Variants in LARP1B observed in about 807,000 individuals in gnomAD.
LARP1B encodes la-related protein 1B.
LARP1B carries 76 observed loss-of-function variants against 114.2 expected under a neutral mutation model. That is an observed-to-expected ratio of 0.67 (90% CI 0.55 to 0.81). LARP1B has a LOEUF of 0.81. Among genes scored for constraint, LARP1B ranks in the 30% least tolerant of loss-of-function variants. The pLI is 0.00. For synonymous variants in LARP1B, 345 were observed against 348.0 expected (o/e 0.99, Z 0.10); for missense variants, 1,014 against 1,075.8 (o/e 0.94, Z 0.80).
chr4:128,188,202 G>C (rs930164336), intron 15 of LARP1B, among the ~76,000 whole-genome samples: 3 of 151,924 alleles, frequency 2.0e-5, no homozygotes, highest in African/African-American at 7.3e-5. Flanking sequence ...AGCCTCCTGA[G>C]TAGCTGGGAT....
At chr4:128,141,981 G>T (rs1450834760) in intron 11 of LARP1B, among the ~76,000 whole-genome samples, 2 of 152,160 alleles carry the variant, frequency 1.3e-5, no homozygotes, top group Non-Finnish European at 2.9e-5. Flanking sequence ...AGAGTATTTG[G>T]TATAAAGGTG....
In LARP1B at chr4:128,073,590, T is replaced by TTTG. The variant is rs1561057101; in HGVS notation, c.-77-868_-77-867insGTT. Among the ~76,000 whole-genome samples the TTTG allele has an allele frequency of 6.1e-3, 284 of 46,488 alleles. 30 individuals are homozygous for TTTG. The highest frequency in any genetic ancestry group is 0.011 in the Middle Eastern group (1 of 90). 30.5% of individuals were successfully genotyped at this position (46,488 alleles called of 152,430 possible). On this transcript the variant is annotated intron_variant, in intron 1 of 19. Transcript: ENST00000326639. ...TGTTGTCGTTTTTTTTTTTTTTTTT[T>TTTG]TTTTTTTTTTTTTTTTTTTGGACAG...
chr4:128,151,311 G>A (rs932393019), intron 11 of LARP1B, among the ~76,000 whole-genome samples: 1 of 152,050 alleles, frequency 6.6e-6, no homozygotes, highest in African/African-American at 2.4e-5. Flanking sequence ...AACACAAGAA[G>A]TTTAACATTG....
At chr4:128,106,698 T>C (rs1426166549) in intron 8 of LARP1B, among the ~76,000 whole-genome samples, 1 of 151,916 alleles carries the variant, frequency 6.6e-6, no homozygotes, top group African/African-American at 2.4e-5. Flanking sequence ...TATGTAGGGG[T>C]GATACCTTCT....
intron 7 of LARP1B, among the ~76,000 whole-genome samples, chr4:128,097,161 G>A (rs112023306): frequency 3.9e-5 from 6 of 152,224 alleles, no homozygotes; most frequent in African/African-American, 1.2e-4. Flanking sequence ...GCCTCCGAAG[G>A]TGCTGGGGTT....
rs757375861 is a variant in LARP1B at position 128,179,503 on chromosome 4, C to T, written c.1994C>T (p.Ser665Phe). 1.9e-6 allele frequency: 3 copies of T among 1,588,074 alleles called. No homozygotes were observed. The highest frequency in any genetic ancestry group is 2.6e-6 in the Non-Finnish European group (3 of 1,163,658). The change falls in exon 15 of 20, where the codon TCC becomes TTC. Residue 665 changes from serine (S) to phenylalanine (F), a missense_variant. Transcript: ENST00000326639. Reference sequence around the variant, plus strand: ...TCCAGAGACCGTGGGCCAGGAACATCCTCTGTCAGGTACTATATTTCTCAA... The same window carrying T: ...TCCAGAGACCGTGGGCCAGGAACATTCTCTGTCAGGTACTATATTTCTCAA... ...MDSRDRGPGTSSVSTSNASPS... is the reference protein window; with the variant it reads ...MDSRDRGPGTFSVSTSNASPS...
intron 10 of LARP1B, among the ~76,000 whole-genome samples, chr4:128,120,589 C>T (rs1308463666): frequency 6.6e-6 from 1 of 151,684 alleles, no homozygotes; most frequent in Non-Finnish European, 1.5e-5. Flanking sequence ...CCTGTCTCAG[C>T]CTCCCGAGTA....
At position 128,210,026 on chromosome 4, in the gene LARP1B, A is replaced by G. The variant is rs1197983958; in HGVS notation, c.2718A>G (p.Ser906=). The change falls in exon 20 of 20, where the codon TCA becomes TCG. Residue 906 remains serine (S), a synonymous_variant. Transcript: ENST00000326639. ...TAAACTCTCCCAGAAGGAATATTTCACCGGAGTCCAGTGACAATTCACATT... is the reference window on the plus strand; with the variant it reads ...TAAACTCTCCCAGAAGGAATATTTCGCCGGAGTCCAGTGACAATTCACATT... The part of the protein sequence containing the change: ...VPINSPRRNI[S]PESSDNSH 2 of 1,613,956 alleles carry G rather than the reference A, an allele frequency of 1.2e-6. No homozygotes were observed. Among genetic ancestry groups the G allele is most frequent in the African/African-American group, 2.7e-5 (2 of 74,910 alleles).
intron 8 of LARP1B, among the ~76,000 whole-genome samples, chr4:128,103,380 A>G: frequency 6.6e-6 from 1 of 151,748 alleles, no homozygotes; most frequent in Non-Finnish European, 1.5e-5. Flanking sequence ...TTGTCCAAGG[A>G]AAAAAAAGGT....
chr4:128,101,619 A>G (rs1389627370), intron 8 of LARP1B, among the ~76,000 whole-genome samples: 1 of 151,442 alleles, frequency 6.6e-6, no homozygotes, highest in Non-Finnish European at 1.5e-5. Context: ...TCATAGTAGA[A>G]TGAGTTTATT....
intron 11 of LARP1B, among the ~76,000 whole-genome samples, chr4:128,143,796 G>GGTGTGTGTGTGTGTGT (rs72408437): frequency 0.056 from 8,289 of 147,848 alleles, 319 homozygotes; most frequent in Middle Eastern, 0.13. Flanking sequence ...TAAGGCACAG[G>GGTGTGTGTGTGTGTGT]GTGTGTGTGT....
intron 1 of LARP1B, among the ~76,000 whole-genome samples, chr4:128,066,165 C>T (rs899774668): frequency 4.0e-5 from 4 of 99,174 alleles, no homozygotes; most frequent in South Asian, 8.8e-4. Flanking sequence ...TTTCTTTCTT[C>T]TTTTTTTTTT....
At chr4:128,175,610 T>C (rs745644531) in intron 12 of LARP1B, among the ~76,000 whole-genome samples, 14 of 152,158 alleles carry the variant, frequency 9.2e-5, no homozygotes, top group South Asian at 4.1e-4. Context: ...TTCTTTCTTT[T>C]TATTCAGTTT....
At chr4:128,119,348 C>A (rs997650402) in intron 10 of LARP1B, among the ~76,000 whole-genome samples, 2 of 152,094 alleles carry the variant, frequency 1.3e-5, no homozygotes, top group Admixed American at 6.6e-5. Flanking sequence ...GTGAAATTAC[C>A]TTTTCTTTTC....
At chr4:128,074,825 T>C in intron 2 of LARP1B, 109 bp from the exon 3 acceptor site, 1 of 708,376 alleles carries the variant, frequency 1.4e-6, no homozygotes, top group South Asian at 2.0e-5. Flanking sequence ...TGCATATAAC[T>C]GAATATAAAT....
chr4:128,123,625 A>T, intron 11 of LARP1B: 1 of 483,762 alleles, frequency 2.1e-6, no homozygotes. Flanking sequence ...TTGTATTTCT[A>T]GTGTTAGAAT....
At chr4:128,064,070 G>A (rs1301774047) in intron 1 of LARP1B, among the ~76,000 whole-genome samples, 2 of 151,914 alleles carry the variant, frequency 1.3e-5, no homozygotes, top group Non-Finnish European at 2.9e-5. Flanking sequence ...TCAGGAGTTC[G>A]AGATCAGCCT....
At chr4:128,179,579 T>C in intron 15 of LARP1B, 67 bp downstream of exon 15, 2 of 958,270 alleles carry the variant, frequency 2.1e-6, no homozygotes, top group East Asian at 2.6e-5. Flanking sequence ...AGTTACTAAT[T>C]GGATATTTCA....
In LARP1B at chr4:128,155,078, A is replaced by G. The variant is rs184767863; in HGVS notation, c.1525-7116A>G. On this transcript the variant is annotated intron_variant, in intron 11 of 19. Coordinates refer to ENST00000326639, the MANE Select transcript of LARP1B (RefSeq NM_018078.4). ...TGTGAGCCACTGTGCCCAGGCTACAAATTTTTTTATATCCATTAGATCATT... is the reference window on the plus strand; with the variant it reads ...TGTGAGCCACTGTGCCCAGGCTACAGATTTTTTTATATCCATTAGATCATT... 7.1e-4 allele frequency among the ~76,000 whole-genome samples: 108 copies of G among 152,264 alleles called. 1 individual carries two copies. The highest frequency in any genetic ancestry group is 1.2e-3 in the South Asian group (6 of 4,830).
Sources: gnomAD v4.1 joint callset for allele counts (sites outside exome capture counted in the v4.1 genomes callset) on GRCh38, gnomAD v4.1.1 for gene constraint, MANE v1.5 for transcripts, NCBI Gene and HGNC (gene_info 2026-07-23, HGNC 2026-07-21) for gene names.